The following INTS2 variants were observed in gnomAD, a reference collection of about 807,000 sequenced individuals.
The protein encoded by INTS2 is integrator complex subunit 2.
A neutral mutation model predicts 139.6 loss-of-function variants in INTS2; 57 were observed. The ratio of observed to expected loss-of-function variants is 0.41; its 90% CI spans 0.33 to 0.51. The LOEUF (loss-of-function observed/expected upper bound fraction) is 0.51. Among genes scored for constraint, INTS2 ranks in the 20% least tolerant of loss-of-function variants. The pLI is 0.28. For synonymous variants in INTS2, 473 were observed against 493.4 expected, an observed-to-expected ratio of 0.96 and a Z score of 0.55; for missense variants, 1,196 against 1,436.7, an observed-to-expected ratio of 0.83 and a Z score of 2.71.
chr17:61,923,718 T>G (rs1172535296), intron 3 of INTS2, among the ~76,000 whole-genome samples: 4 of 152,074 alleles, frequency 2.6e-5, no homozygotes, highest in African/African-American at 7.2e-5. Context: ...TTACTCTTGT[T>G]GCCTAGGCTG....
intron 5 of INTS2, among the ~76,000 whole-genome samples, chr17:61,917,696 G>A (rs757682335): frequency 1.6e-4 from 24 of 152,076 alleles, no homozygotes; most frequent in Non-Finnish European, 3.1e-4. Context: ...CCTGGGTGAC[G>A]GGATCATTCA....
Position 61,889,891 on chromosome 17 carries a change from C to A in INTS2, c.1879G>T (p.Asp627Tyr). The change falls in exon 15 of 25, where the codon GAC (aspartate) becomes TAC (tyrosine). Residue 627 changes from aspartate to tyrosine, a missense_variant. Asp to Tyr is a radical substitution (Grantham distance 160). Transcript: ENST00000251334. Reference sequence around the variant, plus strand: ...AAACGCTGATTAAGGCGGATGTTGTCACCCTGGAGGTAATATTACAAATAC... The same window carrying A: ...AAACGCTGATTAAGGCGGATGTTGTAACCCTGGAGGTAATATTACAAATAC... ...LNIFQGVIGGDNIRLNQRFSI... is the reference protein window; with the variant it reads ...LNIFQGVIGGYNIRLNQRFSI... 6.3e-7 allele frequency: 1 copy of A among 1,595,344 alleles called. No homozygotes were observed.
intron 12 of INTS2, among the ~76,000 whole-genome samples, chr17:61,895,029 C>T (rs1019954073): frequency 9.2e-5 from 14 of 152,060 alleles, no homozygotes; most frequent in African/African-American, 3.1e-4. Context: ...AAACAATTAC[C>T]CCTTGAGATG....
chr17:61,921,796 T>G lies in INTS2; in HGVS notation c.464A>C (p.Lys155Thr). The G allele has an allele frequency of 6.2e-7, 1 of 1,600,842 alleles. No individual in the cohort carries two copies. Among genetic ancestry groups the G allele is most frequent in the Non-Finnish European group, 8.5e-7 (1 of 1,174,430 alleles). The change falls in exon 4 of 25, where the codon AAG becomes ACG. Residue 155 changes from lysine to threonine, a missense_variant. Physicochemically the swap from Lys to Thr is moderately conservative, Grantham distance 78 (BLOSUM62 -1). Around this residue, in one of 3 missense-constraint regions of INTS2, gnomAD observed 1,129 missense variants for 1,341.9 expected, o/e 0.84. Transcript: ENST00000251334. ...VSESNGEFFF[K>T]SSELFESPVY... Reference sequence around the variant, plus strand: ...TGGACTCTCAAAAAGTTCAGAAGACTTGAAAAAAAATTCTCCGTTGGACTC... The same window carrying G: ...TGGACTCTCAAAAAGTTCAGAAGACGTGAAAAAAAATTCTCCGTTGGACTC...
Position 61,919,426 on chromosome 17 carries a change from G to C in INTS2, c.623C>G (p.Ala208Gly). The C allele has an allele frequency of 6.3e-7, 1 of 1,586,370 alleles. No individual in the cohort carries two copies. Residue 208 changes from alanine to glycine, a missense_variant, in exon 5 of 25, where the codon GCC (alanine) becomes GGC (glycine). By Grantham distance (60) the Ala-to-Gly change is moderately conservative. Transcript: ENST00000251334. ...NGAWFLCLLV[A>G]NVPDSFNEVC... Reference sequence around the variant, plus strand: ...TTCATTAAAACTATCAGGAACATTGGCCACCAAGAGACACAAGAACCAGGC... The same window carrying C: ...TTCATTAAAACTATCAGGAACATTGCCCACCAAGAGACACAAGAACCAGGC...
intron 9 of INTS2, among the ~76,000 whole-genome samples, chr17:61,900,676 G>A (rs776501643): frequency 5.3e-5 from 8 of 152,084 alleles, no homozygotes; most frequent in Non-Finnish European, 1.0e-4. Flanking sequence ...ATGAACAATC[G>A]GCCAGACGTG....
At chr17:61,902,568 C>T (rs898459209) in intron 9 of INTS2, among the ~76,000 whole-genome samples, 1 of 152,004 alleles carries the variant, frequency 6.6e-6, no homozygotes, top group African/African-American at 2.4e-5. Flanking sequence ...GTTCAGCACT[C>T]TAAAAATAAC....
rs1004900519 is a variant in INTS2 at position 61,870,347 on chromosome 17, G to C, written c.2779-359C>G. On this transcript the variant is annotated intron_variant, in intron 20 of 24. Transcript: ENST00000251334. This position sits in a 1 kb window ranked among gnomAD's most constrained non-coding sequence, Gnocchi z 4.4. The stretch of plus-strand genomic sequence containing the variant: ...CATGAATTCAGTTACATCCAAAACA[G>C]GCCCTAGGCAAAAATGACTTCTACC... Among the ~76,000 whole-genome samples, 1 of 152,082 alleles carries C rather than the reference G, an allele frequency of 6.6e-6. No individual in the cohort carries two copies. The highest frequency in any genetic ancestry group is 1.5e-5 in the Non-Finnish European group (1 of 67,986).
In INTS2 at chr17:61,869,011, G is replaced by C; in HGVS notation, c.3244+23C>G. 2 of 1,283,030 alleles carry C rather than the reference G, an allele frequency of 1.6e-6. No individual in the cohort carries two copies. Among genetic ancestry groups the C allele is most frequent in the Non-Finnish European group, 2.2e-6 (2 of 889,634 alleles). The allele number at this position is 1,283,030 out of a possible 1,614,324, so 79.5% of individuals were successfully genotyped here. A position where few individuals can be genotyped will look rare whatever the true frequency, so the allele number is the denominator to read the frequency against. Reference sequence around the variant, plus strand: ...CTATAATAATTTATGTCAGATGTTTGTTGATGTTGATTGGCTACATACCTG... The same window carrying C: ...CTATAATAATTTATGTCAGATGTTTCTTGATGTTGATTGGCTACATACCTG... On this transcript the variant is annotated intron_variant, in intron 23 of 24. Coordinates refer to ENST00000251334, the MANE Select transcript of INTS2 (RefSeq NM_001351695.2). The surrounding 1 kb of genome is among the most constrained non-coding windows in gnomAD (Gnocchi z 5.4).
intron 7 of INTS2, chr17:61,910,207 A>G (rs1249523830): frequency 3.3e-5 from 5 of 152,214 alleles, no homozygotes; most frequent in African/African-American, 1.2e-4. Flanking sequence ...ATACAGACAG[A>G]AAGTTGAATA....
chr17:61,892,592 G>A (rs563830891), intron 13 of INTS2, among the ~76,000 whole-genome samples: 1 of 152,158 alleles, frequency 6.6e-6, no homozygotes, highest in South Asian at 2.1e-4. Context: ...AGGAGTTCAA[G>A]ACCAGACCAG....
At chr17:61,921,575 G>T (rs1298394865) in intron 4 of INTS2, 150 bp downstream of exon 4, 1 of 421,280 alleles carries the variant, frequency 2.4e-6, no homozygotes, top group Non-Finnish European at 4.4e-6. Flanking sequence ...CTTAATCATT[G>T]TCCAACTATT....
chr17:61,877,632 T>A (rs1352988987), intron 18 of INTS2, among the ~76,000 whole-genome samples: 1 of 152,214 alleles, frequency 6.6e-6, no homozygotes, highest in Non-Finnish European at 1.5e-5. Context: ...TAGCCACAAA[T>A]AACTATACAT....
chr17:61,912,615 C>A (rs1050692328), intron 5 of INTS2, among the ~76,000 whole-genome samples: 8 of 152,010 alleles, frequency 5.3e-5, no homozygotes, highest in Admixed American at 3.9e-4. Context: ...AAAAGCGAAA[C>A]TCCTTCTCAA....
At position 61,921,837 on chromosome 17, in the gene INTS2, GA is replaced by G. The variant is rs374374751; in HGVS notation, c.433-11del. On this transcript the variant is annotated splice_polypyrimidine_tract_variant and intron_variant, in intron 3 of 24. Coordinates refer to ENST00000251334, the MANE Select transcript of INTS2 (RefSeq NM_001351695.2). Reference sequence around the variant, plus strand: ...CGTTGGACTCAGACACCTTAAAAAAGAAAAAAAAAAGATATAAACTCTATTA... The same window carrying G: ...CGTTGGACTCAGACACCTTAAAAAAGAAAAAAAAAGATATAAACTCTATTA... 2,866 of 1,222,988 alleles carry G rather than the reference GA, an allele frequency of 2.3e-3. 2 individuals carry two copies. Among genetic ancestry groups the G allele is most frequent in the South Asian group, 3.4e-3 (229 of 66,996 alleles). The allele number at this position is 1,222,988 out of a possible 1,614,324, so 75.8% of individuals were successfully genotyped here. A position where few individuals can be genotyped will look rare whatever the true frequency, so the allele number is the denominator to read the frequency against.
intron 5 of INTS2, among the ~76,000 whole-genome samples, chr17:61,916,554 A>T (rs888531372): frequency 6.6e-6 from 1 of 152,172 alleles, no homozygotes; most frequent in African/African-American, 2.4e-5. Context: ...CAGGGAAAGG[A>T]CTCCCTATTT....
Position 61,872,604 on chromosome 17 carries a change from A to G in INTS2, c.2583-144T>C. ...TTTCCCACTAAAATATTCATTCTCA[A>G]AAGTTTAATATATGTTTCTTATTCT... On this transcript the variant is annotated intron_variant, in intron 19 of 24. Coordinates refer to ENST00000251334, the MANE Select transcript of INTS2 (RefSeq NM_001351695.2). The surrounding 1 kb of genome is among the most constrained non-coding windows in gnomAD (Gnocchi z 4.8). The G allele has an allele frequency of 4.1e-6, 2 of 488,208 alleles. No homozygotes were observed. Among genetic ancestry groups the G allele is most frequent in the Non-Finnish European group, 7.1e-6 (2 of 279,968 alleles). The allele number at this position is 488,208 out of a possible 1,614,324, so 30.2% of individuals were successfully genotyped here.
rs1298318742 is a variant in INTS2, at chr17:61,872,365, T to C, written c.2678A>G (p.Gln893Arg). ...YLSAHLKETEQDRPSQNNTIG... is the reference protein window; with the variant it reads ...YLSAHLKETERDRPSQNNTIG... ...TGTATTATTCTGGGAAGGCCTATCT[T>C]GCTCTGTTTCCTTCAGATGAGCACT... The change falls in exon 20 of 25, where the codon CAA becomes CGA. Residue 893 changes from glutamine (Q) to arginine (R), a missense_variant. Around this residue, in one of 3 missense-constraint regions of INTS2, gnomAD observed 1,129 missense variants for 1,341.9 expected, o/e 0.84. Coordinates refer to ENST00000251334, the MANE Select transcript of INTS2 (RefSeq NM_001351695.2). This position sits in a 1 kb window ranked among gnomAD's most constrained non-coding sequence, Gnocchi z 4.8. The C allele has an allele frequency of 1.2e-6, 2 of 1,612,910 alleles. No homozygotes were observed. The highest frequency in any genetic ancestry group is 3.3e-5 in the Admixed American group (2 of 60,024).
chr17:61,883,150 CAT>C (rs2079192608), intron 16 of INTS2, among the ~76,000 whole-genome samples: 1 of 152,118 alleles, frequency 6.6e-6, no homozygotes, highest in Non-Finnish European at 1.5e-5. Flanking sequence ...ATCAACATTT[CAT>C]ACTCTTTTCA....
Sources: gnomAD v4.1 joint callset for allele counts (sites outside exome capture counted in the v4.1 genomes callset) on GRCh38, gnomAD v4.1.1 for gene constraint, gnomAD v4.1.1 regional missense constraint, Gnocchi (gnomAD v3.1) non-coding constraint, MANE v1.5 for transcripts, NCBI Gene and HGNC (gene_info 2026-07-23, HGNC 2026-07-21) for gene names.